ADARB1: variants seen among roughly 807,000 people sequenced by gnomAD.
The protein encoded by ADARB1 is adenosine deaminase RNA specific B1, also known as double-stranded RNA-specific editase 1.
ADARB1 carries 10 observed loss-of-function variants against 52.4 expected under a neutral mutation model. The observed-to-expected ratio is 0.19, with a 90% CI of 0.12 to 0.32. The LOEUF is 0.32. Among genes scored for constraint, ADARB1 ranks in the 10% least tolerant of loss-of-function variants. The probability of loss-of-function intolerance (pLI) is 1.00; values close to 1 mark genes in which losing one functional copy is unlikely to be tolerated. For missense variants in ADARB1, 643 were observed against 922.3 expected, an observed-to-expected ratio of 0.70 and a Z score of 3.92; for synonymous variants, 349 against 371.1, an observed-to-expected ratio of 0.94 and a Z score of 0.68.
chr21:45,118,912 C>G (rs1353310589), intron 1 of ADARB1, among the ~76,000 whole-genome samples: 1 of 152,188 alleles, frequency 6.6e-6, no homozygotes, highest in African/African-American at 2.4e-5. Context: ...GCCTTATGCC[C>G]TAAAAGCCCT....
intron 2 of ADARB1, among the ~76,000 whole-genome samples, chr21:45,153,410 C>G (rs931993970): frequency 1.1e-4 from 16 of 151,808 alleles, no homozygotes; most frequent in Non-Finnish European, 2.1e-4. Flanking sequence ...ATGTGTCTAG[C>G]CCGGAGAACA....
intron 2 of ADARB1, chr21:45,145,082 A>G (rs771367720): frequency 6.5e-6 from 1 of 153,222 alleles, no homozygotes; most frequent in Non-Finnish European, 1.5e-5. Context: ...TTTATAGACT[A>G]GTCTAAAAGG....
intron 4 of ADARB1, among the ~76,000 whole-genome samples, chr21:45,178,113 A>G (rs896445097): frequency 6.6e-6 from 1 of 152,232 alleles, no homozygotes; most frequent in African/African-American, 2.4e-5. Context: ...CATTGAAATG[A>G]CATCAAATGC....
At chr21:45,134,082 G>A (rs1239106421) in intron 2 of ADARB1, among the ~76,000 whole-genome samples, 2 of 123,724 alleles carry the variant, frequency 1.6e-5, no homozygotes, top group African/African-American at 3.2e-5. Flanking sequence ...CCCGCCGGGT[G>A]TGTGCCCGAC....
chr21:45,101,332 C>T (rs1210380802), intron 1 of ADARB1, among the ~76,000 whole-genome samples: 1 of 152,232 alleles, frequency 6.6e-6, no homozygotes, highest in Non-Finnish European at 1.5e-5. Flanking sequence ...CGCTGCCAAG[C>T]TGCCCAGCGG....
At position 45,204,499 on chromosome 21, in the gene ADARB1, G is replaced by A; in HGVS notation, c.1566-56G>A. 1.9e-6 allele frequency: 3 copies of A among 1,563,834 alleles called. No individual in the cohort carries two copies. The highest frequency in any genetic ancestry group is 2.3e-5 in the South Asian group (2 of 86,428). On this transcript the variant is annotated intron_variant, in intron 8 of 10. Coordinates refer to ENST00000348831, the MANE Select transcript of ADARB1 (RefSeq NM_001112.4). The surrounding 1 kb of genome is among the most constrained non-coding windows in gnomAD (Gnocchi z 4.4). ...CTGTAACCACGCAGGCTTGGGCTGGGCTGCGTCGACACTGAGTCCGAGCTC... is the reference window on the plus strand; with the variant it reads ...CTGTAACCACGCAGGCTTGGGCTGGACTGCGTCGACACTGAGTCCGAGCTC...
At position 45,081,984 on chromosome 21, in the gene ADARB1, G is replaced by A. The variant is rs538779767; in HGVS notation, c.-220+7191G>A. ...GTTGGCACTGTTGCCATGATTTAGCGGGGCAGAGGTGGCAGAACTGGAGAA... is the reference window on the plus strand; with the variant it reads ...GTTGGCACTGTTGCCATGATTTAGCAGGGCAGAGGTGGCAGAACTGGAGAA... On this transcript the variant is annotated intron_variant, in intron 1 of 10. Transcript: ENST00000348831. Among the ~76,000 whole-genome samples, 56 of 152,304 alleles carry A rather than the reference G, an allele frequency of 3.7e-4. No individual in the cohort carries two copies. In the South Asian group the frequency reaches 9.5e-3, roughly 26 times the overall value.
chr21:45,127,640 C>T (rs934664493), intron 1 of ADARB1, among the ~76,000 whole-genome samples: 1 of 152,128 alleles, frequency 6.6e-6, no homozygotes, highest in Admixed American at 6.5e-5. Flanking sequence ...AGAGTCGAGC[C>T]ACTTTCACGC....
chr21:45,139,754 T>G (rs1195362007), intron 2 of ADARB1, among the ~76,000 whole-genome samples: 6 of 152,222 alleles, frequency 3.9e-5, no homozygotes, highest in Non-Finnish European at 2.9e-5. Context: ...CGCCAGCCTT[T>G]TCCAGCTTAT....
chr21:45,144,755 G>T, intron 2 of ADARB1: 3 of 389,160 alleles, frequency 7.7e-6, no homozygotes, highest in South Asian at 5.9e-5. Context: ...AAGAGAGCCA[G>T]TGCCCCACCA....
At chr21:45,077,741 CTG>C (rs2086001167) in intron 1 of ADARB1, among the ~76,000 whole-genome samples, 1 of 151,338 alleles carries the variant, frequency 6.6e-6, no homozygotes, top group Admixed American at 6.6e-5. Context: ...ATTTCTAAAT[CTG>C]TAATTTGGTG....
intron 8 of ADARB1, 55 bp downstream of exon 8, chr21:45,185,146 C>G: frequency 6.4e-7 from 1 of 1,566,656 alleles, no homozygotes. Context: ...TTCATCCATA[C>G]TGTTTGCCAA....
chr21:45,126,295 A>G (rs1381419082), intron 1 of ADARB1, among the ~76,000 whole-genome samples: 1 of 152,156 alleles, frequency 6.6e-6, no homozygotes, highest in South Asian at 2.1e-4. Flanking sequence ...ATGCACTGTT[A>G]GGAGCAGCGT....
intron 1 of ADARB1, among the ~76,000 whole-genome samples, chr21:45,118,294 T>G (rs911156341): frequency 6.6e-6 from 1 of 152,228 alleles, no homozygotes; most frequent in African/African-American, 2.4e-5. Flanking sequence ...ATTTTTGTTT[T>G]GCTGGAGCAC....
At chr21:45,160,025 G>A (rs1464042543) in intron 2 of ADARB1, among the ~76,000 whole-genome samples, 13 of 152,150 alleles carry the variant, frequency 8.5e-5, no homozygotes, top group Admixed American at 7.9e-4. Context: ...TTTTTAATTG[G>A]GTGTTTGTCT....
At chr21:45,196,156 A>G (rs1033553661) in intron 8 of ADARB1, among the ~76,000 whole-genome samples, 2 of 152,192 alleles carry the variant, frequency 1.3e-5, no homozygotes, top group African/African-American at 4.8e-5. Flanking sequence ...GTTAGTGTAA[A>G]TGATGTTGTG....
At chr21:45,215,204 T>G (rs1175004815) in intron 9 of ADARB1, among the ~76,000 whole-genome samples, 1 of 152,114 alleles carries the variant, frequency 6.6e-6, no homozygotes, top group Non-Finnish European at 1.5e-5. Flanking sequence ...CATGCCACCA[T>G]GCCTGGTTCA....
intron 9 of ADARB1, among the ~76,000 whole-genome samples, chr21:45,206,635 G>A (rs980008079): frequency 2.1e-5 from 3 of 139,542 alleles, no homozygotes; most frequent in Non-Finnish European, 4.5e-5. Context: ...GTGCAGTGGC[G>A]TGATCTTGGC....
intron 1 of ADARB1, among the ~76,000 whole-genome samples, chr21:45,099,476 C>T (rs141514480): frequency 7.0e-4 from 105 of 150,546 alleles, no homozygotes; most frequent in South Asian, 4.5e-3. Flanking sequence ...ACCAGCCTGG[C>T]CAACATGGTG....
Sources: allele counts gnomAD v4.1 joint callset (sites outside exome capture counted in the v4.1 genomes callset), GRCh38; gene constraint gnomAD v4.1.1; non-coding constraint Gnocchi (gnomAD v3.1); transcripts MANE v1.5; gene names NCBI Gene and HGNC (gene_info 2026-07-23, HGNC 2026-07-21).